CCT6B: variants seen among roughly 807,000 people sequenced by gnomAD.
The protein encoded by CCT6B is chaperonin containing TCP1 subunit 6B.
Under a neutral mutation model 61.5 loss-of-function variants are expected in CCT6B, and 49 were observed. The ratio of observed to expected loss-of-function variants is 0.80; its 90% confidence interval spans 0.63 to 1.01. The LOEUF is 1.01. CCT6B is among the 50% of genes least tolerant of loss of function. The probability of loss-of-function intolerance (pLI) is 0.00; values close to 1 mark genes in which losing one functional copy is unlikely to be tolerated. For synonymous variants in CCT6B, 228 were observed against 214.5 expected (o/e 1.06, Z -0.55); for missense variants, 666 against 634.7 (o/e 1.05, Z -0.53).
At chr17:34,953,328 T>TATATAC (rs2142174832) in intron 4 of CCT6B, among the ~76,000 whole-genome samples, 1 of 133,226 alleles carries the variant, frequency 7.5e-6, no homozygotes, top group Admixed American at 8.0e-5. Flanking sequence ...AATATATATA[T>TATATAC]ATATATATAT....
Position 34,934,792 on chromosome 17 carries a change from C to G in CCT6B, c.1214-2292G>C, listed in dbSNP as rs1486412823. Among the ~76,000 whole-genome samples, 8 of 152,164 alleles carry G rather than the reference C, an allele frequency of 5.3e-5. No homozygotes were observed. In the East Asian group the frequency reaches 1.5e-3, roughly 29 times the overall value. Reference sequence around the variant, plus strand: ...AACTTTACACTTTCAGAAATTTGAACAAGAAGAAAAACTTTCCAATTCACT... The same window carrying G: ...AACTTTACACTTTCAGAAATTTGAAGAAGAAGAAAAACTTTCCAATTCACT... On this transcript the variant is annotated intron_variant, in intron 10 of 13. Transcript: ENST00000314144.
At chr17:34,928,168 T>G (rs570927377) in intron 13 of CCT6B, 51 bp from the exon 14 acceptor site, 2 of 1,208,848 alleles carry the variant, frequency 1.7e-6, no homozygotes, top group African/African-American at 1.5e-5. Context: ...CACTCTTAGC[T>G]TTTTTCCCCA....
intron 10 of CCT6B, among the ~76,000 whole-genome samples, chr17:34,936,366 C>A (rs1446938147): frequency 6.6e-6 from 1 of 152,110 alleles, no homozygotes; most frequent in East Asian, 1.9e-4. Context: ...TGAATGCTTT[C>A]CCCCTAAGAT....
intron 3 of CCT6B, among the ~76,000 whole-genome samples, chr17:34,954,823 A>G (rs543986757): frequency 6.6e-6 from 1 of 152,352 alleles, no homozygotes; most frequent in African/African-American, 2.4e-5. Context: ...AGTCCTTTTT[A>G]TTTCCAAAAA....
intron 10 of CCT6B, among the ~76,000 whole-genome samples, chr17:34,933,941 C>A (rs999979581): frequency 2.6e-5 from 4 of 151,768 alleles, no homozygotes; most frequent in African/African-American, 4.8e-5. Context: ...CCAGCCTGGG[C>A]AACACAGTGA....
intron 4 of CCT6B, among the ~76,000 whole-genome samples, chr17:34,953,318 A>AATATAT (rs757786280): frequency 0.076 from 10,629 of 140,768 alleles, 534 homozygotes; most frequent in Admixed American, 0.12. Context: ...CTTTATATAA[A>AATATAT]ATATATATAT....
chr17:34,928,223 G>C (rs949946344), intron 13 of CCT6B, 106 bp from the exon 14 acceptor site: 2 of 608,622 alleles, frequency 3.3e-6, no homozygotes, highest in African/African-American at 3.8e-5. Context: ...AATGATGTTA[G>C]TATGATGTTT....
intron 5 of CCT6B, 196 bp from the exon 6 acceptor site, chr17:34,943,102 G>C (rs1047340801): frequency 2.2e-6 from 1 of 463,228 alleles, no homozygotes; most frequent in Non-Finnish European, 3.8e-6. Flanking sequence ...GGCTGGCCAC[G>C]AACTCCTGGG....
rs1425834318 is a variant in CCT6B at position 34,954,423 on chromosome 17, T to A, written c.510+3A>T. On this transcript the variant is annotated splice_donor_region_variant and intron_variant, in intron 4 of 13. Coordinates refer to ENST00000314144, the MANE Select transcript of CCT6B (RefSeq NM_006584.4). ...TTCTGAATGCAAAAGTTTAATAACA[T>A]ACCTCTGTTAAGACATCAGCCAGTT... is the stretch of plus-strand genomic sequence containing the variant. The A allele has an allele frequency of 1.3e-6, 2 of 1,595,124 alleles. No homozygotes were observed. Among genetic ancestry groups the A allele is most frequent in the Non-Finnish European group, 1.7e-6 (2 of 1,173,110 alleles).
At chr17:34,951,277 G>A (rs911722933) in intron 5 of CCT6B, among the ~76,000 whole-genome samples, 6 of 151,260 alleles carry the variant, frequency 4.0e-5, no homozygotes, top group African/African-American at 1.5e-4. Flanking sequence ...GTAAAAGCAG[G>A]GGGTTTATGT....
chr17:34,940,685 G>T, intron 7 of CCT6B, 64 bp from the exon 8 acceptor site: 1 of 814,204 alleles, frequency 1.2e-6, no homozygotes, highest in South Asian at 1.8e-5. Flanking sequence ...AAACCTTTTG[G>T]TCTCAGCACC....
chr17:34,944,648 C>G (rs1416364344), intron 5 of CCT6B, among the ~76,000 whole-genome samples: 1 of 152,218 alleles, frequency 6.6e-6, no homozygotes, highest in East Asian at 1.9e-4. Flanking sequence ...GTTTTCCAGC[C>G]AGGCGCGGCG....
chr17:34,958,365 AC>A (rs895540754), intron 3 of CCT6B, among the ~76,000 whole-genome samples, 194 bp downstream of exon 3: 16 of 152,116 alleles, frequency 1.1e-4, no homozygotes, highest in African/African-American at 3.9e-4. Context: ...AATTGATTGA[AC>A]CTGGGAGGCG....
At chr17:34,935,656 G>C (rs2090085414) in intron 10 of CCT6B, among the ~76,000 whole-genome samples, 1 of 152,012 alleles carries the variant, frequency 6.6e-6, no homozygotes, top group South Asian at 2.1e-4. Context: ...AGGAGTTCGA[G>C]ACCAGCCAGG....
intron 6 of CCT6B, 62 bp downstream of exon 6, chr17:34,942,734 G>A (rs2090179609): frequency 6.7e-7 from 1 of 1,493,572 alleles, no homozygotes; most frequent in Non-Finnish European, 9.2e-7. Flanking sequence ...GAAGGAAAAA[G>A]AGATTTTAAA....
chr17:34,944,043 C>T (rs2090196658), intron 5 of CCT6B: 1 of 151,898 alleles, frequency 6.6e-6, no homozygotes, highest in South Asian at 2.1e-4. Flanking sequence ...TATTTTAGTT[C>T]AACATAATTA....
intron 10 of CCT6B, among the ~76,000 whole-genome samples, chr17:34,938,329 G>A (rs1164985515): frequency 6.6e-6 from 1 of 152,178 alleles, no homozygotes; most frequent in Non-Finnish European, 1.5e-5. Context: ...CACTCTGGGA[G>A]GCTGAAGGGG....
rs2090136851 is a variant in CCT6B at position 34,939,598 on chromosome 17, T to G, written c.1065+19A>C. ...GGCTTAGTATTCACTTTATAACCAC[T>G]GTTCATAGAAATACTCACTAATGTA... is the stretch of plus-strand genomic sequence containing the variant. On this transcript the variant is annotated intron_variant, in intron 9 of 13. Coordinates refer to ENST00000314144, the MANE Select transcript of CCT6B (RefSeq NM_006584.4). 1 of 1,448,156 alleles carries G rather than the reference T, an allele frequency of 6.9e-7. No individual in the cohort carries two copies. The highest frequency in any genetic ancestry group is 1.1e-5 in the South Asian group (1 of 87,136). The allele number at this position is 1,448,156 out of a possible 1,614,324, so 89.7% of individuals were successfully genotyped here.
At chr17:34,939,794 G>GTCTTCTGCATT in intron 8 of CCT6B, 81 bp from the exon 9 acceptor site, 1 of 875,352 alleles carries the variant, frequency 1.1e-6, no homozygotes, top group Non-Finnish European at 1.9e-6. Context: ...ATCTAATGCA[G>GTCTTCTGCATT]AAGACTGTAT....
Sources: allele counts gnomAD v4.1 joint callset (sites outside exome capture counted in the v4.1 genomes callset), GRCh38; gene constraint gnomAD v4.1.1; transcripts MANE v1.5; gene names NCBI Gene and HGNC (gene_info 2026-07-23, HGNC 2026-07-21).